The following CCDC40 variants were observed in gnomAD, a reference collection of about 807,000 sequenced individuals.
CCDC40 encodes the protein coiled-coil domain 40 molecular ruler complex subunit, also known as coiled-coil domain-containing protein 40.
A neutral mutation model predicts 124.5 loss-of-function variants in CCDC40; 104 were observed. That is an observed-to-expected ratio of 0.84 (90% confidence interval 0.71 to 0.98). The LOEUF is 0.98. CCDC40 is among the 50% of genes least tolerant of loss of function. The probability of loss-of-function intolerance (pLI) is 0.00; values close to 1 mark genes in which losing one functional copy is unlikely to be tolerated. For synonymous variants in CCDC40, 580 were observed against 602.9 expected, an observed-to-expected ratio of 0.96 and a Z score of 0.56; for missense variants, 1,463 against 1,503.9, an observed-to-expected ratio of 0.97 and a Z score of 0.45.
At chr17:80,094,950 A>G (rs965955947) in intron 17 of CCDC40, among the ~76,000 whole-genome samples, 3 of 151,982 alleles carry the variant, frequency 2.0e-5, no homozygotes, top group South Asian at 2.1e-4. Flanking sequence ...GATTTCACCA[A>G]TTTTCTCAAT....
chr17:80,061,143 C>T (rs376658703), intron 9 of CCDC40, among the ~76,000 whole-genome samples: 5 of 152,178 alleles, frequency 3.3e-5, no homozygotes, highest in East Asian at 1.9e-4. Context: ...GTCAGGAGTT[C>T]GAGACCAGCC....
At chr17:80,051,401 G>A (rs1343304060) in intron 7 of CCDC40, 11 of 358,580 alleles carry the variant, frequency 3.1e-5, no homozygotes, top group South Asian at 2.2e-4. Flanking sequence ...AGGCCGAGGC[G>A]GGCGGATCAC....
At chr17:80,043,454 TG>T (rs369666504) in intron 3 of CCDC40, among the ~76,000 whole-genome samples, 44 of 152,200 alleles carry the variant, frequency 2.9e-4, no homozygotes, top group African/African-American at 1.0e-3. Flanking sequence ...ACATACACCA[TG>T]TACACAGACA....
At position 80,087,767 on chromosome 17, in the gene CCDC40, C is replaced by T. The variant is rs1348606621; in HGVS notation, c.2610C>T (p.Arg870=). ...NNRVTENEFV[R]SLKASERETI... ...GGGTGACAGAGAATGAGTTCGTGCG[C>T]TCGCTGAAGGTCCGGCCGTGTCCAC... Residue 870 remains arginine, a synonymous_variant, in exon 15 of 20, where the codon CGC becomes CGT. Transcript: ENST00000397545. This position sits in a 1 kb window ranked among gnomAD's most constrained non-coding sequence, Gnocchi z 4.5. 6.2e-7 allele frequency: 1 copy of T among 1,614,092 alleles called. No individual in the cohort carries two copies. The highest frequency in any genetic ancestry group is 8.5e-7 in the Non-Finnish European group (1 of 1,179,968).
At chr17:80,056,484 G>A (rs1275553420) in intron 7 of CCDC40, among the ~76,000 whole-genome samples, 1 of 151,976 alleles carries the variant, frequency 6.6e-6, no homozygotes, top group Non-Finnish European at 1.5e-5. Context: ...GAAATTGGCC[G>A]GGCATGGTGG....
At chr17:80,074,427 G>A (rs574066289) in intron 10 of CCDC40, among the ~76,000 whole-genome samples, 2 of 152,216 alleles carry the variant, frequency 1.3e-5, no homozygotes, top group East Asian at 3.9e-4. Flanking sequence ...GGAGGTTGCA[G>A]TGAGCCGAGA....
intron 10 of CCDC40, among the ~76,000 whole-genome samples, chr17:80,073,938 G>A (rs563539802): frequency 6.6e-6 from 1 of 151,838 alleles, no homozygotes; most frequent in African/African-American, 2.4e-5. Flanking sequence ...TGCCTGCCTC[G>A]GCCTCCCAAA....
Position 80,087,316 on chromosome 17 carries a change from C to T in CCDC40, c.2450-291C>T. On this transcript the variant is annotated intron_variant, in intron 14 of 19. Transcript: ENST00000397545. This position sits in a 1 kb window ranked among gnomAD's most constrained non-coding sequence, Gnocchi z 4.5. ...TCTGGGGGAGGGAGCCTGGCCCTCC[C>T]ACACGCCCTGCCCACACCTGCTGGC... is the stretch of plus-strand genomic sequence containing the variant. 1 of 485,924 alleles carries T rather than the reference C, an allele frequency of 2.1e-6. No homozygotes were observed. The highest frequency in any genetic ancestry group is 2.1e-5 in the South Asian group (1 of 47,524). The allele number at this position is 485,924 out of a possible 1,614,324, so 30.1% of individuals were successfully genotyped here.
intron 1 of CCDC40, among the ~76,000 whole-genome samples, chr17:80,037,209 G>C (rs1419577578): frequency 6.6e-6 from 1 of 152,186 alleles, no homozygotes; most frequent in Non-Finnish European, 1.5e-5. Flanking sequence ...GGGTCCCTGC[G>C]GTTAGGCGGC....
At chr17:80,097,122 C>T in intron 18 of CCDC40, 123 bp from the exon 19 acceptor site, 1 of 1,101,972 alleles carries the variant, frequency 9.1e-7, no homozygotes, top group South Asian at 1.2e-5. Context: ...TCCCATTCCT[C>T]TTTGGGAGCC....
intron 10 of CCDC40, 87 bp from the exon 11 acceptor site, chr17:80,081,459 G>A: frequency 6.6e-7 from 1 of 1,526,154 alleles, no homozygotes; most frequent in South Asian, 1.1e-5. Context: ...GTTCGCCTTA[G>A]TGAGCTCCCT....
At chr17:80,094,700 T>A (rs1041886633) in intron 17 of CCDC40, among the ~76,000 whole-genome samples, 26 of 152,072 alleles carry the variant, frequency 1.7e-4, no homozygotes, top group Non-Finnish European at 2.9e-5. Context: ...TCTCAAAAAA[T>A]TTTTAAAAAA....
chr17:80,062,183 G>A (rs746039471), intron 9 of CCDC40, among the ~76,000 whole-genome samples: 4 of 152,124 alleles, frequency 2.6e-5, no homozygotes, highest in Admixed American at 6.6e-5. Context: ...TCATCAGAAA[G>A]AAAGACCCCA....
rs116296171 is a variant in CCDC40 at position 80,067,673 on chromosome 17, C to T, written c.1562+2067C>T. On this transcript the variant is annotated intron_variant, in intron 10 of 19. Coordinates refer to ENST00000397545, the MANE Select transcript of CCDC40 (RefSeq NM_017950.4). Reference sequence around the variant, plus strand: ...GTGCTGCTGTAGATAACCGGATCCGCGAATGCTAACGCTCACCAGGATGCT... The same window carrying T: ...GTGCTGCTGTAGATAACCGGATCCGTGAATGCTAACGCTCACCAGGATGCT... 0.021 allele frequency: 32,596 copies of T among 1,535,726 alleles called. 3,962 individuals are homozygous for T. In the African/African-American group the frequency reaches 0.32, roughly 15 times the overall value.
chr17:80,087,567 C>T lies in CCDC40; in HGVS notation c.2450-40C>T, dbSNP rs748192549. The T allele has an allele frequency of 1.3e-6, 2 of 1,593,850 alleles. No homozygotes were observed. The highest frequency in any genetic ancestry group is 3.4e-5 in the Admixed American group (2 of 59,674). On this transcript the variant is annotated intron_variant, in intron 14 of 19. Coordinates refer to ENST00000397545, the MANE Select transcript of CCDC40 (RefSeq NM_017950.4). The surrounding 1 kb of genome is among the most constrained non-coding windows in gnomAD (Gnocchi z 4.5). ...CTGCCTGCGGGCGAGGACCCGTACCCTCCTGGGGTCTCTCCCTGAGTCTCT... is the reference window on the plus strand; with the variant it reads ...CTGCCTGCGGGCGAGGACCCGTACCTTCCTGGGGTCTCTCCCTGAGTCTCT...
rs1287833444 is a variant in CCDC40, at chr17:80,081,568, T to A, written c.1585T>A (p.Ser529Thr). The A allele has an allele frequency of 1.2e-6, 2 of 1,613,616 alleles. No homozygotes were observed. The highest frequency in any genetic ancestry group is 3.3e-5 in the Admixed American group (2 of 60,006). The change falls in exon 11 of 20, where the codon TCC (serine) becomes ACC (threonine). Residue 529 changes from serine to threonine, a missense_variant. Physicochemically the swap from Ser to Thr is moderately conservative, Grantham distance 58 (BLOSUM62 1). Transcript: ENST00000397545. ...CAGAGGATGCCAGCATCAAGCCAAA[T>A]CCACCGACGGCGAGATTGAGGCCTA... Reference protein sequence around the residue: ...ALRGCQHQAKSTDGEIEAYKK... With the variant: ...ALRGCQHQAKTTDGEIEAYKK...
chr17:80,081,411 T>TAAATAAATAAATAAATAAATAAA, intron 10 of CCDC40, 135 bp from the exon 11 acceptor site: 2 of 678,972 alleles, frequency 2.9e-6, no homozygotes, highest in Non-Finnish European at 2.5e-6. Context: ...AATAAATAAA[T>TAAATAAATAAATAAATAAATAAA]AAGAGTTGGC....
chr17:80,046,846 A>G (rs1291989854), intron 3 of CCDC40, among the ~76,000 whole-genome samples: 3 of 151,874 alleles, frequency 2.0e-5, no homozygotes, highest in Non-Finnish European at 2.9e-5. Context: ...TTTTAACTTT[A>G]TTTATTTATT....
Position 80,097,219 on chromosome 17 carries a change from C to A in CCDC40, c.3022-26C>A, listed in dbSNP as rs767397011. 6 of 1,613,616 alleles carry A rather than the reference C, an allele frequency of 3.7e-6. No homozygotes were observed. In the Admixed American group the frequency reaches 1.0e-4, roughly 27 times the overall value. ...CGCCAAGTAGCCGGGCTGCAGGGGC[C>A]CAGCATGGTCCTGTGATTCTCCTAG... On this transcript the variant is annotated intron_variant, in intron 18 of 19. Transcript: ENST00000397545.
Sources: gnomAD v4.1 joint callset for allele counts (sites outside exome capture counted in the v4.1 genomes callset) on GRCh38, gnomAD v4.1.1 for gene constraint, Gnocchi (gnomAD v3.1) non-coding constraint, MANE v1.5 for transcripts, NCBI Gene and HGNC (gene_info 2026-07-23, HGNC 2026-07-21) for gene names.